The following PNPLA8 variants were observed in gnomAD, a reference collection of about 807,000 sequenced individuals.
PNPLA8 encodes the protein calcium-independent phospholipase A2-gamma.
In PNPLA8, 39 loss-of-function variants were observed where a neutral mutation model predicts 76.9. The ratio of observed to expected loss-of-function variants is 0.51; its 90% CI spans 0.39 to 0.66. The LOEUF (loss-of-function observed/expected upper bound fraction) is 0.66. Ranked by LOEUF, PNPLA8 falls within the 30% of genes least tolerant of loss-of-function variation. The probability of loss-of-function intolerance (pLI) is 0.00; values close to 1 mark genes in which losing one functional copy is unlikely to be tolerated. For synonymous variants in PNPLA8, 301 were observed against 307.9 expected (o/e 0.98, Z 0.24); for missense variants, 887 against 918.0 (o/e 0.97, Z 0.44).
chr7:108,482,128 G>GT (rs1860441422), intron 9 of PNPLA8, among the ~76,000 whole-genome samples: 1 of 152,146 alleles, frequency 6.6e-6, no homozygotes. Flanking sequence ...TACCTTTAGA[G>GT]TAAGTTTTTA....
chr7:108,497,448 G>A (rs1420921334), intron 6 of PNPLA8, 35 bp downstream of exon 6: 9 of 1,315,826 alleles, frequency 6.8e-6, no homozygotes, highest in African/African-American at 1.5e-5. Context: ...TTAATGTACT[G>A]CCAGAATGCA....
Position 108,471,332 on chromosome 7 carries a change from A to C in PNPLA8, c.*1069T>G, listed in dbSNP as rs1000033866. The C allele has an allele frequency of 1.4e-5, 2 of 146,716 alleles. No individual in the cohort carries two copies. Among genetic ancestry groups the C allele is most frequent in the African/African-American group, 5.1e-5 (2 of 39,300 alleles). The allele number at this position is 146,716 out of a possible 1,614,324, so 9.1% of individuals were successfully genotyped here. On this transcript the variant is annotated 3_prime_UTR_variant, in exon 11 of 11. Transcript: ENST00000257694. ...CAGGTTCAAGCCATTCTCCTGCCTTAGCCTCCCGAGTAGCTGGGACTATAG... is the reference window on the plus strand; with the variant it reads ...CAGGTTCAAGCCATTCTCCTGCCTTCGCCTCCCGAGTAGCTGGGACTATAG...
chr7:108,473,368 T>C (rs532755492), intron 10 of PNPLA8, among the ~76,000 whole-genome samples: 65 of 152,316 alleles, frequency 4.3e-4, no homozygotes, highest in Non-Finnish European at 7.9e-4. Context: ...AATAACCCGA[T>C]TATAAACATT....
chr7:108,514,424 T>G lies in PNPLA8; in HGVS notation c.1056+12A>C. 1 of 1,593,392 alleles carries G rather than the reference T, an allele frequency of 6.3e-7. No individual in the cohort carries two copies. The highest frequency in any genetic ancestry group is 1.1e-5 in the South Asian group (1 of 88,714). The stretch of plus-strand genomic sequence containing the variant: ...AAAGTAATAGAACCGAAAAGCACAC[T>G]GAACAACTTGCCTTTTCTCGCTGAA... On this transcript the variant is annotated intron_variant, in intron 3 of 10. Transcript: ENST00000257694.
chr7:108,507,850 G>A (rs950636501), intron 4 of PNPLA8, among the ~76,000 whole-genome samples: 5 of 150,426 alleles, frequency 3.3e-5, no homozygotes, highest in African/African-American at 4.9e-5. Flanking sequence ...TTCATCCCTG[G>A]GATGCAAGGC....
At chr7:108,501,241 T>C (rs917278460) in intron 5 of PNPLA8, among the ~76,000 whole-genome samples, 3 of 152,126 alleles carry the variant, frequency 2.0e-5, no homozygotes, top group Admixed American at 1.3e-4. Flanking sequence ...CTAGAAGATT[T>C]TGGGGAAAAG....
intron 4 of PNPLA8, chr7:108,510,349 G>A: frequency 6.3e-7 from 1 of 1,580,842 alleles, no homozygotes; most frequent in Admixed American, 1.7e-5. Context: ...TTGCCCAAAA[G>A]ATGCTTCGAA....
At chr7:108,491,232 G>C (rs1283362189) in intron 8 of PNPLA8, among the ~76,000 whole-genome samples, 178 bp downstream of exon 8, 2 of 152,156 alleles carry the variant, frequency 1.3e-5, no homozygotes, top group African/African-American at 4.8e-5. Flanking sequence ...ACTTGAACCT[G>C]GGAGACGGAG....
chr7:108,510,373 G>A (rs1598948989), intron 4 of PNPLA8: 1 of 1,562,728 alleles, frequency 6.4e-7, no homozygotes, highest in South Asian at 1.1e-5. Context: ...CAAGGAGGAA[G>A]CTTATCTATG....
rs188099754 is a variant in PNPLA8 at position 108,517,270 on chromosome 7, G to A, written c.-83-1696C>T. ...ATTGAGAACACTAAATGCTGGTGAG[G>A]ATGTAAAGTAAAAGGAACTCTCACT... On this transcript the variant is annotated intron_variant, in intron 2 of 10. Coordinates refer to ENST00000257694, the MANE Select transcript of PNPLA8 (RefSeq NM_001256007.3). Among the ~76,000 whole-genome samples, 10 of 152,284 alleles carry A rather than the reference G, an allele frequency of 6.6e-5. No individual in the cohort carries two copies. In the East Asian group the frequency reaches 1.7e-3, roughly 26 times the overall value.
rs1023101054 is a variant in PNPLA8, at chr7:108,471,806, T to G, written c.*595A>C. ...TTCACCTTTTTTAACCAAACAATGT[T>G]AAAATAAACATATCTGAATAGAAAA... On this transcript the variant is annotated 3_prime_UTR_variant, in exon 11 of 11. Coordinates refer to ENST00000257694, the MANE Select transcript of PNPLA8 (RefSeq NM_001256007.3). 1 of 152,198 alleles carries G rather than the reference T, an allele frequency of 6.6e-6. No homozygotes were observed. The allele number at this position is 152,198 out of a possible 1,614,324, so 9.4% of individuals were successfully genotyped here. A position where few individuals can be genotyped will look rare whatever the true frequency, so the allele number is the denominator to read the frequency against.
intron 4 of PNPLA8, among the ~76,000 whole-genome samples, chr7:108,504,179 C>A (rs958997272): frequency 6.6e-6 from 1 of 152,076 alleles, no homozygotes; most frequent in Admixed American, 6.5e-5. Context: ...AACAGAAGAA[C>A]AAATAAACCC....
rs1860863232 is a variant in PNPLA8, at chr7:108,487,922, C to T, written c.1715G>A (p.Gly572Glu). 1.2e-6 allele frequency: 2 copies of T among 1,612,200 alleles called. No homozygotes were observed. Among genetic ancestry groups the T allele is most frequent in the Non-Finnish European group, 1.7e-6 (2 of 1,178,638 alleles). ...VAAVSTIVNR[G>E]ITPKAFVFRN... ...GAACACAAAAGCTTTGGGTGTTATC[C>T]CTCTATTTACTATGGTACTTACAGC... Residue 572 changes from glycine to glutamate, a missense_variant, in exon 9 of 11, where the codon GGG (glycine) becomes GAG (glutamate). By Grantham distance (98) the Gly-to-Glu change is moderately conservative (BLOSUM62 -2). Coordinates refer to ENST00000257694, the MANE Select transcript of PNPLA8 (RefSeq NM_001256007.3).
At chr7:108,506,136 G>A (rs1350389595) in intron 4 of PNPLA8, among the ~76,000 whole-genome samples, 1 of 152,186 alleles carries the variant, frequency 6.6e-6, no homozygotes. Context: ...CCAATACTTT[G>A]GGAGGCCGAA....
intron 4 of PNPLA8, chr7:108,510,182 A>AT: frequency 1.2e-6 from 1 of 853,674 alleles, no homozygotes; most frequent in Admixed American, 3.0e-5. Flanking sequence ...TATAATAAAA[A>AT]AAAAAAAAAA....
rs144062291 is a variant in PNPLA8, at chr7:108,514,683, G to A, written c.809C>T (p.Thr270Ile). ...AACATCAGGTATCGCAGAAGGACTT[G>A]TAGGCTTGTCCACCGTATGTACAGA... ...SESVHTVDKP[T>I]SPSAIPDVLQ... The change falls in exon 3 of 11, where the codon ACA becomes ATA. Residue 270 changes from threonine (T) to isoleucine (I), a missense_variant. Physicochemically the swap from Thr to Ile is moderately conservative, Grantham distance 89. Transcript: ENST00000257694. 5.5e-5 allele frequency: 88 copies of A among 1,614,024 alleles called. No individual in the cohort carries two copies. In the African/African-American group the frequency reaches 1.1e-3, roughly 20 times the overall value.
upstream of PNPLA8, chr7:108,526,392 T>A (rs1281208244): frequency 6.4e-6 from 1 of 155,248 alleles, no homozygotes; most frequent in Non-Finnish European, 1.4e-5. Context: ...AGGCGTGGCT[T>A]GCTGGTGGGG....
chr7:108,526,200 G>T (rs1864072142), upstream of PNPLA8: 1 of 655,526 alleles, frequency 1.5e-6, no homozygotes, highest in Non-Finnish European at 1.9e-6. Flanking sequence ...GAAGTGACGC[G>T]CTAGAAGTTT....
At position 108,510,827 on chromosome 7, in the gene PNPLA8, C is replaced by T. The variant is rs367747652; in HGVS notation, c.1206+3317G>A. The T allele has an allele frequency of 1.0e-4, 161 of 1,599,780 alleles. 1 individual carries two copies. The highest frequency in any genetic ancestry group is 4.8e-4 in the African/African-American group (36 of 75,014). The stretch of plus-strand genomic sequence containing the variant: ...TCATGAGATCTATACTGTTGGAAAA[C>T]GCTTCAAAGAGGCAAATAACTTCCT... On this transcript the variant is annotated intron_variant, in intron 4 of 10. Coordinates refer to ENST00000257694, the MANE Select transcript of PNPLA8 (RefSeq NM_001256007.3).
Sources: gnomAD v4.1 joint callset for allele counts (sites outside exome capture counted in the v4.1 genomes callset) on GRCh38, gnomAD v4.1.1 for gene constraint, MANE v1.5 for transcripts, NCBI Gene and HGNC (gene_info 2026-07-23, HGNC 2026-07-21) for gene names.